ZDHHC2: variants seen among roughly 807,000 people sequenced by gnomAD.
ZDHHC2 encodes the protein zDHHC palmitoyltransferase 2.
A neutral mutation model predicts 55.6 loss-of-function variants in ZDHHC2; 51 were observed. That is an observed-to-expected ratio of 0.92 (90% confidence interval 0.73 to 1.16). ZDHHC2 has a LOEUF of 1.16. Among genes scored for constraint, ZDHHC2 ranks in the 50% most tolerant of loss-of-function variants. The pLI is 0.00. For synonymous variants in ZDHHC2, 199 were observed against 152.9 expected (o/e 1.30, Z -2.22); for missense variants, 491 against 442.4 (o/e 1.11, Z -0.99).
At chr8:17,185,014 G>T (rs148937640) in intron 2 of ZDHHC2, among the ~76,000 whole-genome samples, 199 bp downstream of exon 2, 1 of 152,128 alleles carries the variant, frequency 6.6e-6, no homozygotes, top group Non-Finnish European at 1.5e-5. Context: ...TGAAATGGCT[G>T]TCATTGTGCC....
At chr8:17,165,748 C>G (rs1022601818) in intron 1 of ZDHHC2, among the ~76,000 whole-genome samples, 22 of 152,114 alleles carry the variant, frequency 1.4e-4, no homozygotes, top group African/African-American at 4.1e-4. Context: ...AAAAGTAGGG[C>G]AAGAAGGACT....
At chr8:17,185,430 G>T (rs1388280791) in intron 2 of ZDHHC2, among the ~76,000 whole-genome samples, 1 of 152,090 alleles carries the variant, frequency 6.6e-6, no homozygotes. Context: ...GCCAAAGCGG[G>T]CAGATCATTT....
At chr8:17,161,251 G>A (rs895437905) in intron 1 of ZDHHC2, among the ~76,000 whole-genome samples, 3 of 152,186 alleles carry the variant, frequency 2.0e-5, no homozygotes, top group Non-Finnish European at 4.4e-5. Context: ...GAGCTACACA[G>A]AAGAAGAAAT....
intron 1 of ZDHHC2, among the ~76,000 whole-genome samples, chr8:17,184,535 C>T (rs1039697474): frequency 9.2e-5 from 14 of 152,180 alleles, no homozygotes; most frequent in Non-Finnish European, 1.6e-4. Flanking sequence ...GCACACTTGA[C>T]AAGTTTTGTT....
chr8:17,169,683 G>GT, intron 1 of ZDHHC2, among the ~76,000 whole-genome samples: 1 of 152,136 alleles, frequency 6.6e-6, no homozygotes, highest in African/African-American at 2.4e-5. Context: ...CAAGGTTTCT[G>GT]TTTTGCCCAA....
chr8:17,183,986 C>G (rs1001616372), intron 1 of ZDHHC2, among the ~76,000 whole-genome samples: 2 of 152,102 alleles, frequency 1.3e-5, no homozygotes, highest in African/African-American at 2.4e-5. Flanking sequence ...GCCTGAGGTC[C>G]CGTGCCCTTT....
At chr8:17,157,907 G>C (rs919479489) in intron 1 of ZDHHC2, among the ~76,000 whole-genome samples, 1 of 152,116 alleles carries the variant, frequency 6.6e-6, no homozygotes, top group Non-Finnish European at 1.5e-5. Flanking sequence ...AAAGCCTCAA[G>C]ATTCAGACAT....
chr8:17,176,300 T>A (rs181000772), intron 1 of ZDHHC2, among the ~76,000 whole-genome samples: 40 of 151,886 alleles, frequency 2.6e-4, no homozygotes, highest in African/African-American at 9.7e-4. Flanking sequence ...CTGAAAACCC[T>A]GTGTTTGGAA....
intron 10 of ZDHHC2, among the ~76,000 whole-genome samples, chr8:17,214,385 A>T (rs995599104): frequency 6.6e-6 from 1 of 152,218 alleles, no homozygotes; most frequent in Non-Finnish European, 1.5e-5. Flanking sequence ...ACAGAAGAAG[A>T]TAGAGAAAAT....
chr8:17,195,360 C>T, intron 3 of ZDHHC2, 144 bp from the exon 4 acceptor site: 2 of 904,310 alleles, frequency 2.2e-6, no homozygotes, highest in Non-Finnish European at 3.3e-6. Context: ...AACAGACTTG[C>T]CCACGTTTCA....
intron 1 of ZDHHC2, among the ~76,000 whole-genome samples, chr8:17,171,056 T>C (rs1804829443): frequency 6.6e-6 from 1 of 152,152 alleles, no homozygotes; most frequent in Non-Finnish European, 1.5e-5. Context: ...GAGGGTGTAG[T>C]ATCCACCATA....
chr8:17,210,195 G>C, intron 9 of ZDHHC2, 137 bp downstream of exon 9: 5 of 1,157,918 alleles, frequency 4.3e-6, no homozygotes, highest in Non-Finnish European at 6.0e-6. Context: ...ATTATTCTAT[G>C]ATTCACCATA....
chr8:17,171,969 T>C (rs561174147), intron 1 of ZDHHC2, among the ~76,000 whole-genome samples: 2 of 151,996 alleles, frequency 1.3e-5, no homozygotes, highest in South Asian at 2.1e-4. Flanking sequence ...AGGACTTAAC[T>C]TGTGCAAGCT....
At chr8:17,173,357 G>C (rs1417979837) in intron 1 of ZDHHC2, among the ~76,000 whole-genome samples, 1 of 152,116 alleles carries the variant, frequency 6.6e-6, no homozygotes, top group Non-Finnish European at 1.5e-5. Context: ...TTGTTGTAAG[G>C]TTTAAATGAG....
At chr8:17,167,946 C>T (rs1292501559) in intron 1 of ZDHHC2, among the ~76,000 whole-genome samples, 1 of 152,254 alleles carries the variant, frequency 6.6e-6, no homozygotes, top group African/African-American at 2.4e-5. Flanking sequence ...TAACCCCCAC[C>T]CGCCCTTAAT....
chr8:17,190,274 A>G (rs915571391), intron 3 of ZDHHC2, among the ~76,000 whole-genome samples: 1 of 152,076 alleles, frequency 6.6e-6, no homozygotes, highest in Admixed American at 6.5e-5. Flanking sequence ...AAAAGAAAAG[A>G]AAAGAATATA....
At chr8:17,170,191 G>C (rs989953807) in intron 1 of ZDHHC2, among the ~76,000 whole-genome samples, 2 of 152,156 alleles carry the variant, frequency 1.3e-5, no homozygotes, top group Non-Finnish European at 2.9e-5. Flanking sequence ...TTTACTTTAT[G>C]AATATATGAC....
In ZDHHC2 at chr8:17,209,968, A is replaced by T; in HGVS notation, c.767A>T (p.Asp256Val). The T allele has an allele frequency of 5.6e-6, 9 of 1,612,014 alleles. No individual in the cohort carries two copies. The highest frequency in any genetic ancestry group is 7.6e-6 in the Non-Finnish European group (9 of 1,178,970). Reference sequence around the variant, plus strand: ...AGTCCAGTATTTCGACATGGAACAGATAAGAATGGATTCAGCTTGGGTTTC... The same window carrying T: ...AGTCCAGTATTTCGACATGGAACAGTTAAGAATGGATTCAGCTTGGGTTTC... ...FRSPVFRHGT[D>V]KNGFSLGFSK... Residue 256 changes from aspartate to valine, a missense_variant, in exon 9 of 13, where the codon GAT becomes GTT. By Grantham distance (152) the Asp-to-Val change is radical (BLOSUM62 -3). Transcript: ENST00000262096.
At chr8:17,180,217 A>G (rs1291577237) in intron 1 of ZDHHC2, among the ~76,000 whole-genome samples, 1 of 152,218 alleles carries the variant, frequency 6.6e-6, no homozygotes, top group Non-Finnish European at 1.5e-5. Context: ...CCTATCCAAA[A>G]TAGATTCTTT....
Sources: gnomAD v4.1 joint callset for allele counts (sites outside exome capture counted in the v4.1 genomes callset) on GRCh38, gnomAD v4.1.1 for gene constraint, MANE v1.5 for transcripts, NCBI Gene and HGNC (gene_info 2026-07-23, HGNC 2026-07-21) for gene names.